The following KRT75 variants were observed in gnomAD, a reference collection of about 807,000 sequenced individuals.
The protein encoded by KRT75 is keratin 75.
KRT75 carries 35 observed loss-of-function variants against 48.8 expected under a neutral mutation model. That is an observed-to-expected ratio of 0.72 (90% confidence interval 0.55 to 0.95). The LOEUF is 0.95. Among genes scored for constraint, KRT75 ranks in the 40% least tolerant of loss-of-function variants. The pLI, the probability that KRT75 is intolerant of heterozygous loss-of-function variation, is 0.00. For synonymous variants in KRT75, 301 were observed against 282.3 expected, an observed-to-expected ratio of 1.07 and a Z score of -0.66; for missense variants, 776 against 709.9, an observed-to-expected ratio of 1.09 and a Z score of -1.06.
intron 8 of KRT75, among the ~76,000 whole-genome samples, chr12:52,426,318 A>G (rs1277676151): frequency 6.6e-6 from 1 of 152,216 alleles, no homozygotes; most frequent in African/African-American, 2.4e-5. Flanking sequence ...TTCTGCAGTT[A>G]TACTCGGCAG....
chr12:52,428,693 G>A lies in KRT75; in HGVS notation c.1086C>T (p.Asn362=). ...TAGRHGDDLR[N]TKQEISEMNR... ...TCATTTCAGAGATCTCTTGTTTGGTGTTTCGAAGGTCATCCCCATGTCTGC... is the reference window on the plus strand; with the variant it reads ...TCATTTCAGAGATCTCTTGTTTGGTATTTCGAAGGTCATCCCCATGTCTGC... The change falls in exon 6 of 9, where the codon AAC becomes AAT. Residue 362 remains asparagine, a synonymous_variant. Transcript: ENST00000252245. 3 of 1,614,186 alleles carry A rather than the reference G, an allele frequency of 1.9e-6. No homozygotes were observed. The highest frequency in any genetic ancestry group is 2.5e-6 in the Non-Finnish European group (3 of 1,180,046).
Position 52,428,312 on chromosome 12 carries a change from C to T in KRT75, c.1326G>A (p.Leu442=), listed in dbSNP as rs1305909539. The change falls in exon 7 of 9, where the codon CTG becomes CTA. Residue 442 remains leucine, a synonymous_variant. Transcript: ENST00000252245. ...AGGTGGCGATCTCCACGTCCAGGGC[C>T]AGCTTGATGTTCATCAGCTCCTGGT... ...REYQELMNIK[L]ALDVEIATYR... 5 of 1,614,066 alleles carry T rather than the reference C, an allele frequency of 3.1e-6. No individual in the cohort carries two copies. The Admixed American group carries it at 8.3e-5, about 27-fold the overall frequency.
chr12:52,425,054 G>A (rs1397223032), intron 8 of KRT75, among the ~76,000 whole-genome samples: 7 of 152,130 alleles, frequency 4.6e-5, no homozygotes, highest in South Asian at 4.1e-4. Context: ...CTGCTGTGCC[G>A]TCTGGGTCTG....
rs1318156108 is a variant in KRT75, at chr12:52,430,592, C to T, written c.984G>A (p.Glu328=). 7 of 1,614,036 alleles carry T rather than the reference C, an allele frequency of 4.3e-6. No homozygotes were observed. The East Asian group carries it at 1.6e-4, about 36-fold the overall frequency. Residue 328 remains glutamate (E), a synonymous_variant, in exon 5 of 9, where the codon GAG becomes GAA. Transcript: ENST00000252245. The part of the protein sequence containing the change: ...SIIAEVKAQY[E]DIANRSRAEA... ...CGGCCCGGCTGCGGTTGGCAATGTC[C>T]TCGTATTGTGCTTTGACCTCGGCGA...
At chr12:52,425,219 C>A (rs1940062793) in intron 8 of KRT75, among the ~76,000 whole-genome samples, 1 of 152,200 alleles carries the variant, frequency 6.6e-6, no homozygotes, top group Non-Finnish European at 1.5e-5. Flanking sequence ...GACAGATTAA[C>A]CTGTTGGCCA....
rs773281817 is a variant in KRT75, at chr12:52,428,755, A to T, written c.1036-12T>A. On this transcript the variant is annotated splice_polypyrimidine_tract_variant and intron_variant, in intron 5 of 8. Transcript: ENST00000252245. ...TGCAGCTCCTCGTACTGAGAGAACC[A>T]GAGCAAACCCAGTCACTGAGTCAAA... 2.5e-6 allele frequency: 4 copies of T among 1,613,868 alleles called. No individual in the cohort carries two copies. The South Asian group carries it at 4.4e-5, about 18-fold the overall frequency.
In KRT75 at chr12:52,431,861, G is replaced by A. The variant is rs1307784974; in HGVS notation, c.774+145C>T. 1.9e-5 allele frequency: 16 copies of A among 842,388 alleles called. No homozygotes were observed. In the South Asian group the frequency reaches 2.2e-4, roughly 11 times the overall value. The allele number at this position is 842,388 out of a possible 1,614,324, so 52.2% of individuals were successfully genotyped here. A position where few individuals can be genotyped will look rare whatever the true frequency, so the allele number is the denominator to read the frequency against. ...GCTAATGGGGCCATCAACGTAGAGG[G>A]AACATGTTGGGAGGTTTGAACTCTG... On this transcript the variant is annotated intron_variant, in intron 3 of 8. Coordinates refer to ENST00000252245, the MANE Select transcript of KRT75 (RefSeq NM_004693.3).
At chr12:52,430,936 T>C (rs1479640732) in intron 4 of KRT75, among the ~76,000 whole-genome samples, 1 of 152,158 alleles carries the variant, frequency 6.6e-6, no homozygotes, top group Non-Finnish European at 1.5e-5. Flanking sequence ...TGAGGGTGGG[T>C]AAGCATCCTC....
In KRT75 at chr12:52,434,214, G is replaced by A. The variant is rs148964521; in HGVS notation, c.91C>T (p.Arg31Cys). 2.3e-5 allele frequency: 37 copies of A among 1,599,336 alleles called. No individual in the cohort carries two copies. The highest frequency in any genetic ancestry group is 1.5e-4 in the South Asian group (13 of 89,050). The change falls in exon 1 of 9, where the codon CGC becomes TGC. Residue 31 changes from arginine to cysteine, a missense_variant. Coordinates refer to ENST00000252245, the MANE Select transcript of KRT75 (RefSeq NM_004693.3). ...SAITPAAGRS[R>C]FSSVSVARSA... is the part of the protein sequence containing the mutation. Reference sequence around the variant, plus strand: ...CGGGCCACAGAGACAGAGCTGAAGCGGGAGCGGCCAGCTGCCGGGGTGATG... The same window carrying A: ...CGGGCCACAGAGACAGAGCTGAAGCAGGAGCGGCCAGCTGCCGGGGTGATG...
chr12:52,424,432 GGA>G lies in KRT75; in HGVS notation c.*83_*84del. ...CCAGCAGCACAGGTGCACCTTACAAGGAGAGAGGAAGGAGGAGGACCCTGGTG... is the reference window on the plus strand; with the variant it reads ...CCAGCAGCACAGGTGCACCTTACAAGGAGAGGAAGGAGGAGGACCCTGGTG... On this transcript the variant is annotated 3_prime_UTR_variant, in exon 9 of 9. Coordinates refer to ENST00000252245, the MANE Select transcript of KRT75 (RefSeq NM_004693.3). 1 of 1,231,342 alleles carries G rather than the reference GGA, an allele frequency of 8.1e-7. No homozygotes were observed. The highest frequency in any genetic ancestry group is 1.2e-6 in the Non-Finnish European group (1 of 831,210). 76.3% of individuals were successfully genotyped at this position (1,231,342 alleles called of 1,614,324 possible).
intron 2 of KRT75, among the ~76,000 whole-genome samples, chr12:52,432,514 A>C (rs2121513105): frequency 6.6e-6 from 1 of 152,282 alleles, no homozygotes; most frequent in Admixed American, 6.5e-5. Flanking sequence ...CAAGCTTAGA[A>C]ATAAGGGCAA....
In KRT75 at chr12:52,429,171, A is replaced by G. The variant is rs146046781; in HGVS notation, c.1036-428T>C. Among the ~76,000 whole-genome samples the G allele has an allele frequency of 2.5e-3, 384 of 152,260 alleles. 1 individual carries two copies. The highest frequency in any genetic ancestry group is 4.5e-3 in the Non-Finnish European group (308 of 68,010). The stretch of plus-strand genomic sequence containing the variant: ...GAAGACTCTGGGTCAGGGAAGGAAC[A>G]TGGTGAGTTCTAGGAGTGAGACGGT... On this transcript the variant is annotated intron_variant, in intron 5 of 8. Coordinates refer to ENST00000252245, the MANE Select transcript of KRT75 (RefSeq NM_004693.3).
At chr12:52,431,685 A>G (rs1235804109) in intron 3 of KRT75, 47 bp from the exon 4 acceptor site, 14 of 1,345,910 alleles carry the variant, frequency 1.0e-5, no homozygotes, top group South Asian at 4.7e-5. Flanking sequence ...AGCCCCAAGT[A>G]TCTAGTCCAA....
intron 4 of KRT75, among the ~76,000 whole-genome samples, chr12:52,431,124 G>T (rs1442799887): frequency 1.3e-5 from 2 of 151,748 alleles, no homozygotes; most frequent in Admixed American, 6.6e-5. Flanking sequence ...CTTTGGAGGG[G>T]TAGCGCCCAG....
In KRT75 at chr12:52,434,310, G is replaced by A. The variant is rs1232688467; in HGVS notation, c.-6C>T. 42 of 1,584,790 alleles carry A rather than the reference G, an allele frequency of 2.7e-5. No homozygotes were observed. The highest frequency in any genetic ancestry group is 4.0e-5 in the African/African-American group (3 of 74,532). The stretch of plus-strand genomic sequence containing the variant: ...ATGGAGGACTGCCGAGACATGGTGG[G>A]TGAGGAAGGCCGGCGAGAAGGCACC... On this transcript the variant is annotated 5_prime_UTR_variant, in exon 1 of 9. Coordinates refer to ENST00000252245, the MANE Select transcript of KRT75 (RefSeq NM_004693.3).
rs761273721 is a variant in KRT75, at chr12:52,430,600, G to A, written c.976C>T (p.Gln326Ter). 1.2e-5 allele frequency: 19 copies of A among 1,614,174 alleles called. No homozygotes were observed. Among genetic ancestry groups the A allele is most frequent in the Non-Finnish European group, 1.5e-5 (18 of 1,180,042 alleles). Reference protein sequence around the residue: ...LDSIIAEVKAQYEDIANRSRA... With the variant: ...LDSIIAEVKA ...CTGCGGTTGGCAATGTCCTCGTATT[G>A]TGCTTTGACCTCGGCGATGATACTA... is the stretch of plus-strand genomic sequence containing the variant. The change falls in exon 5 of 9, where the codon CAA becomes TAA. Residue 326 changes from glutamine (Q) to a stop codon, truncating the protein, a stop_gained. Transcript: ENST00000252245. LOFTEE classifies it high-confidence loss of function.
chr12:52,431,603 C>T lies in KRT75; in HGVS notation c.810G>A (p.Leu270=), dbSNP rs1196248696. Residue 270 remains leucine, a synonymous_variant, in exon 4 of 9, where the codon CTG becomes CTA. Coordinates refer to ENST00000252245, the MANE Select transcript of KRT75 (RefSeq NM_004693.3). Reference sequence around the variant, plus strand: ...CGGGCAGAGATTTGACCTTGGCTTCCAGCTCCACCTTGTTCATATAGGCAG... The same window carrying T: ...CGGGCAGAGATTTGACCTTGGCTTCTAGCTCCACCTTGTTCATATAGGCAG... ...VDAAYMNKVE[L]EAKVKSLPEE... is the part of the protein sequence containing the mutation. 2.5e-6 allele frequency: 4 copies of T among 1,614,092 alleles called. No individual in the cohort carries two copies. The highest frequency in any genetic ancestry group is 3.4e-6 in the Non-Finnish European group (4 of 1,179,934).
intron 1 of KRT75, 72 bp downstream of exon 1, chr12:52,433,735 C>A: frequency 1.9e-6 from 3 of 1,604,214 alleles, no homozygotes; most frequent in Non-Finnish European, 2.6e-6. Flanking sequence ...TATTGCTCTC[C>A]CCCCATGGGA....
At chr12:52,430,024 C>T (rs1940123234) in intron 5 of KRT75, among the ~76,000 whole-genome samples, 1 of 152,190 alleles carries the variant, frequency 6.6e-6, no homozygotes, top group African/African-American at 2.4e-5. Flanking sequence ...CCTCAGCAAT[C>T]TTTTGTCCCT....
Sources: gnomAD v4.1 joint callset for allele counts (sites outside exome capture counted in the v4.1 genomes callset) on GRCh38, gnomAD v4.1.1 for gene constraint, MANE v1.5 for transcripts, NCBI Gene and HGNC (gene_info 2026-07-23, HGNC 2026-07-21) for gene names.